Variants in IL1RAPL1 observed in about 807,000 individuals in gnomAD.
IL1RAPL1 encodes the protein interleukin-1 receptor accessory protein-like 1.
A neutral mutation model predicts 48.4 loss-of-function variants in IL1RAPL1; 3 were observed. That is an observed-to-expected ratio of 0.06 (90% CI 0.03 to 0.16). The LOEUF (loss-of-function observed/expected upper bound fraction) is 0.16, where lower values mean the gene tolerates loss of function less well. Among genes scored for constraint, IL1RAPL1 ranks in the 10% least tolerant of loss-of-function variants. The pLI is 1.00. For missense variants in IL1RAPL1, 349 were observed against 530.6 expected (o/e 0.66, Z 3.36); for synonymous variants, 185 against 187.7 (o/e 0.99, Z 0.12).
chrX:29,772,107 C>T (rs1271244703), intron 6 of IL1RAPL1, among the ~76,000 whole-genome samples: 2 of 109,675 alleles, frequency 1.8e-5, no homozygotes, highest in African/African-American at 6.7e-5. Flanking sequence ...TGGGTGGAGA[C>T]ACACCCAAAC....
intron 2 of IL1RAPL1, among the ~76,000 whole-genome samples, chrX:29,143,718 G>A (rs189866417): frequency 8.9e-6 from 1 of 112,118 alleles, no homozygotes; most frequent in East Asian, 2.8e-4. Context: ...ATGGCATATT[G>A]TTATAATTGT....
At chrX:29,747,262 A>T (rs1020910296) in intron 6 of IL1RAPL1, among the ~76,000 whole-genome samples, 1 of 112,312 alleles carries the variant, frequency 8.9e-6, no homozygotes, top group African/African-American at 3.2e-5. Context: ...TCCATTGTGA[A>T]TTTCTGAAGC....
At chrX:29,366,553 ATTTTTTTTTTTTTTTTTT>A (rs34164964) in intron 3 of IL1RAPL1, among the ~76,000 whole-genome samples, 2 of 37,256 alleles carry the variant, frequency 5.4e-5, no homozygotes, top group Admixed American at 4.5e-4. Flanking sequence ...TGATAGGTCA[ATTTTTTTTTTTTTTTTTT>A]TTTTTTTTTT....
At chrX:28,723,863 T>C (rs989098527) in intron 1 of IL1RAPL1, among the ~76,000 whole-genome samples, 23 of 112,127 alleles carry the variant, frequency 2.1e-4, no homozygotes, top group African/African-American at 6.2e-4. Flanking sequence ...CCAGTAGTCA[T>C]TCAGAAGCAG....
intron 5 of IL1RAPL1, among the ~76,000 whole-genome samples, chrX:29,480,668 C>A (rs773508267): frequency 4.5e-5 from 5 of 110,536 alleles, no homozygotes; most frequent in African/African-American, 1.6e-4. Flanking sequence ...AAAAAGTAAA[C>A]ACAAAGAAGT....
At position 29,465,243 on chromosome X, in the gene IL1RAPL1, A is replaced by G. The variant is rs562334163; in HGVS notation, c.703+65935A>G. Among the ~76,000 whole-genome samples the G allele has an allele frequency of 3.2e-4, 35 of 110,298 alleles. No homozygotes were observed. The South Asian group carries it at 0.013, about 41-fold the overall frequency. On this transcript the variant is annotated intron_variant, in intron 5 of 10. Coordinates refer to ENST00000378993, the MANE Select transcript of IL1RAPL1 (RefSeq NM_014271.4). Reference sequence around the variant, plus strand: ...AACATAGTGAGTCCCTGTCTCTACAAAAAAATACAAAAATCAGCCAGGCAT... The same window carrying G: ...AACATAGTGAGTCCCTGTCTCTACAGAAAAATACAAAAATCAGCCAGGCAT...
At chrX:29,343,298 CCAGTGAGTCCCA>C (rs1933107464) in intron 3 of IL1RAPL1, among the ~76,000 whole-genome samples, 1 of 111,259 alleles carries the variant, frequency 9.0e-6, no homozygotes, top group South Asian at 3.8e-4. Context: ...ATTTTTGTTC[CCAGTGAGTCCCA>C]CAGGGAGAAG....
At chrX:29,622,441 A>G (rs1190640954) in intron 5 of IL1RAPL1, among the ~76,000 whole-genome samples, 1 of 112,252 alleles carries the variant, frequency 8.9e-6, no homozygotes, top group Non-Finnish European at 1.9e-5. Flanking sequence ...TGCTGTGTGC[A>G]ATATATTGTA....
intron 2 of IL1RAPL1, among the ~76,000 whole-genome samples, chrX:28,974,420 GT>G (rs1385687513): frequency 1.8e-5 from 2 of 111,653 alleles, no homozygotes; most frequent in African/African-American, 6.5e-5. Context: ...TGAAGTTATT[GT>G]CATGACTTTC....
At chrX:29,878,835 A>G (rs1190949834) in intron 6 of IL1RAPL1, among the ~76,000 whole-genome samples, 1 of 111,680 alleles carries the variant, frequency 9.0e-6, no homozygotes, top group African/African-American at 3.2e-5. Flanking sequence ...TGATTAAAAT[A>G]TATTGTATCT....
At chrX:29,885,517 G>C (rs1399377327) in intron 6 of IL1RAPL1, among the ~76,000 whole-genome samples, 2 of 111,447 alleles carry the variant, frequency 1.8e-5, no homozygotes, top group East Asian at 5.6e-4. Context: ...ACTATTAAAA[G>C]CATATACAAT....
At chrX:29,898,751 A>C (rs1405602516) in intron 6 of IL1RAPL1, among the ~76,000 whole-genome samples, 2 of 112,159 alleles carry the variant, frequency 1.8e-5, no homozygotes, top group African/African-American at 6.5e-5. Context: ...CATTTTCCTA[A>C]AGACAAGAAG....
intron 2 of IL1RAPL1, among the ~76,000 whole-genome samples, chrX:29,194,804 C>T (rs775909825): frequency 3.0e-4 from 33 of 111,437 alleles, no homozygotes; most frequent in African/African-American, 1.1e-3. Flanking sequence ...TTTTTTCTCA[C>T]ATGCCCCACA....
rs6628470 is a variant in IL1RAPL1, at chrX:29,691,772, A to G, written c.778+23268A>G. Among the ~76,000 whole-genome samples, 75 of 90,095 alleles carry G rather than the reference A, an allele frequency of 8.3e-4. 1 individual carries two copies. The highest frequency in any genetic ancestry group is 2.3e-3 in the East Asian group (6 of 2,632). The allele number at this position is 90,095 out of a possible 115,157, so 78.2% of individuals were successfully genotyped here. A position where few individuals can be genotyped will look rare whatever the true frequency, so the allele number is the denominator to read the frequency against. Reference sequence around the variant, plus strand: ...TCTCAAAAAAAAAAAAAAAAAAAAAACTCACTATACTGTTTTCTGCTGCTA... The same window carrying G: ...TCTCAAAAAAAAAAAAAAAAAAAAAGCTCACTATACTGTTTTCTGCTGCTA... On this transcript the variant is annotated intron_variant, in intron 6 of 10. Coordinates refer to ENST00000378993, the MANE Select transcript of IL1RAPL1 (RefSeq NM_014271.4).
At chrX:28,718,794 C>A (rs1198964820) in intron 1 of IL1RAPL1, among the ~76,000 whole-genome samples, 1 of 111,362 alleles carries the variant, frequency 9.0e-6, no homozygotes, top group Non-Finnish European at 1.9e-5. Flanking sequence ...TTGATTCAAG[C>A]AAACTTCTGC....
intron 6 of IL1RAPL1, among the ~76,000 whole-genome samples, chrX:29,860,549 C>T (rs779548326): frequency 1.3e-4 from 14 of 110,648 alleles, no homozygotes; most frequent in Non-Finnish European, 2.6e-4. Context: ...TGATGTTCCC[C>T]CTCTCTGTGT....
chrX:28,714,270 C>G (rs766138880), intron 1 of IL1RAPL1, among the ~76,000 whole-genome samples: 2 of 111,486 alleles, frequency 1.8e-5, no homozygotes, highest in African/African-American at 6.5e-5. Flanking sequence ...AGAGCCCAGA[C>G]ATCTTGCGGA....
chrX:29,641,793 T>C (rs896140206), intron 5 of IL1RAPL1, among the ~76,000 whole-genome samples: 1 of 112,578 alleles, frequency 8.9e-6, no homozygotes, highest in Non-Finnish European at 1.9e-5. Flanking sequence ...TTTATTTTAA[T>C]GAAATTACCT....
At chrX:29,873,386 C>CG (rs998700444) in intron 6 of IL1RAPL1, among the ~76,000 whole-genome samples, 1 of 106,178 alleles carries the variant, frequency 9.4e-6, no homozygotes, top group East Asian at 3.1e-4. Flanking sequence ...GTGCCCCCCC[C>CG]CCAATTATAT....
Sources: allele counts gnomAD v4.1 joint callset (sites outside exome capture counted in the v4.1 genomes callset), GRCh38; gene constraint gnomAD v4.1.1; transcripts MANE v1.5; gene names NCBI Gene and HGNC (gene_info 2026-07-23, HGNC 2026-07-21).